The following MID1 variants were observed in gnomAD, a reference collection of about 807,000 sequenced individuals.
MID1 encodes E3 ubiquitin-protein ligase Midline-1.
Under a neutral mutation model 40.4 loss-of-function variants are expected in MID1, and 7 were observed. The ratio of observed to expected loss-of-function variants is 0.17; its 90% confidence interval spans 0.10 to 0.33. The LOEUF (loss-of-function observed/expected upper bound fraction) is 0.33. Ranked by LOEUF, MID1 falls within the 10% of genes least tolerant of loss-of-function variation. MID1 has a pLI of 1.00. For missense variants in MID1, 367 were observed against 558.5 expected (o/e 0.66, Z 3.46); for synonymous variants, 229 against 221.2 (o/e 1.04, Z -0.31).
rs1408477016 is a variant in MID1, at chrX:10,788,115, T to C, written c.-187+45439A>G. On this transcript the variant is annotated intron_variant, in intron 1 of 10. Transcript: ENST00000380785. ...ATGTCAGCTGTCACATTTCCTCAGT[T>C]GAAGGAGATACAGATCAGAGAAACT... Among the ~76,000 whole-genome samples, 15 of 112,152 alleles carry C rather than the reference T, an allele frequency of 1.3e-4. No homozygotes were observed. In the Admixed American group the frequency reaches 1.4e-3, roughly 11 times the overall value.
chrX:10,516,617 C>CAT (rs1932457778), intron 3 of MID1, among the ~76,000 whole-genome samples: 2 of 96,010 alleles, frequency 2.1e-5, no homozygotes, highest in Non-Finnish European at 4.0e-5. Context: ...TGTGCGCGCG[C>CAT]GCACGCGTGT....
At chrX:10,700,581 A>G (rs1436736226) in intron 1 of MID1, among the ~76,000 whole-genome samples, 2 of 112,254 alleles carry the variant, frequency 1.8e-5, no homozygotes, top group African/African-American at 6.5e-5. Flanking sequence ...ACGATAGAAT[A>G]AAAAGAACTT....
intron 1 of MID1, among the ~76,000 whole-genome samples, chrX:10,795,208 C>T (rs2043959971): frequency 8.9e-6 from 1 of 112,267 alleles, no homozygotes; most frequent in Admixed American, 9.4e-5. Context: ...AGAAAAACCA[C>T]CTCAAGGTTG....
intron 1 of MID1, among the ~76,000 whole-genome samples, chrX:10,635,938 CAG>C (rs1936104770): frequency 8.9e-6 from 1 of 112,280 alleles, no homozygotes; most frequent in African/African-American, 3.2e-5. Flanking sequence ...CAATTTAAAT[CAG>C]TGCTTAGTTG....
At chrX:10,675,815 A>G (rs2043019471) in intron 1 of MID1, among the ~76,000 whole-genome samples, 1 of 111,787 alleles carries the variant, frequency 8.9e-6, no homozygotes, top group African/African-American at 3.3e-5. Context: ...GATTCTTTGA[A>G]AATGTTGAAG....
upstream of MID1, among the ~76,000 whole-genome samples, chrX:10,624,314 G>C (rs762700310): frequency 8.9e-6 from 1 of 112,018 alleles, no homozygotes; most frequent in East Asian, 2.8e-4. Flanking sequence ...GTGTAAATGT[G>C]TTGGATGACC....
intron 1 of MID1, among the ~76,000 whole-genome samples, chrX:10,710,701 G>C (rs1301398825): frequency 2.7e-5 from 3 of 111,040 alleles, no homozygotes; most frequent in Non-Finnish European, 3.8e-5. Context: ...AACATTGACT[G>C]ATCACATTCA....
At chrX:10,525,314 T>TA (rs1277430953) in intron 2 of MID1, among the ~76,000 whole-genome samples, 2 of 112,240 alleles carry the variant, frequency 1.8e-5, no homozygotes, top group Non-Finnish European at 3.8e-5. Context: ...TGACTGATTT[T>TA]AAAATTTTTT....
rs1257837592 is a variant in MID1, at chrX:10,560,942, A to G, written c.660+5946T>C. On this transcript the variant is annotated intron_variant, in intron 2 of 9. Transcript: ENST00000317552. ...TCCTAAGCAAATCGAACAAAGCTGGAGGCATCACACTACCTGACTTCAAAC... is the reference window on the plus strand; with the variant it reads ...TCCTAAGCAAATCGAACAAAGCTGGGGGCATCACACTACCTGACTTCAAAC... 3.7e-5 allele frequency among the ~76,000 whole-genome samples: 4 copies of G among 106,923 alleles called. 1 individual carries two copies. Among genetic ancestry groups the G allele is most frequent in the African/African-American group, 1.5e-4 (4 of 26,691 alleles). The allele number at this position is 106,923 out of a possible 115,157, so 92.8% of individuals were successfully genotyped here.
intron 4 of MID1, among the ~76,000 whole-genome samples, chrX:10,484,091 C>G (rs1930489300): frequency 8.9e-6 from 1 of 111,919 alleles, no homozygotes; most frequent in Non-Finnish European, 1.9e-5. Context: ...AATTTAGCCT[C>G]TGGCATCATT....
chrX:10,676,707 G>A (rs1325210464), intron 1 of MID1, among the ~76,000 whole-genome samples: 1 of 111,100 alleles, frequency 9.0e-6, no homozygotes, highest in Non-Finnish European at 1.9e-5. Context: ...AATGACTTCT[G>A]CAGAAGCGCC....
upstream of MID1, among the ~76,000 whole-genome samples, chrX:10,624,925 G>T: frequency 9.0e-6 from 1 of 111,252 alleles, no homozygotes; most frequent in Non-Finnish European, 1.9e-5. Flanking sequence ...CTCCTCCTGT[G>T]GTCAAAATCT....
chrX:10,616,561 C>T (rs901674759), intron 1 of MID1, among the ~76,000 whole-genome samples: 1 of 112,339 alleles, frequency 8.9e-6, no homozygotes, highest in Non-Finnish European at 1.9e-5. Context: ...ACCACACAAA[C>T]GATCAAAGCC....
intron 1 of MID1, among the ~76,000 whole-genome samples, chrX:10,735,075 A>G (rs778875730): frequency 1.8e-5 from 2 of 111,928 alleles, no homozygotes; most frequent in South Asian, 3.8e-4. Flanking sequence ...ATTTTCTACC[A>G]AGAGTCGATT....
intron 1 of MID1, among the ~76,000 whole-genome samples, chrX:10,832,940 G>A (rs1009169557): frequency 3.6e-5 from 4 of 112,051 alleles, no homozygotes; most frequent in African/African-American, 9.7e-5. Flanking sequence ...CACCGTTCTC[G>A]CCATATATAT....
intron 1 of MID1, among the ~76,000 whole-genome samples, chrX:10,693,192 A>C (rs1463106960): frequency 9.6e-6 from 1 of 104,598 alleles, no homozygotes; most frequent in African/African-American, 3.6e-5. Context: ...AGGTGTTTTA[A>C]CTTTTTTTTT....
At chrX:10,786,971 T>TA (rs745501413) in intron 1 of MID1, among the ~76,000 whole-genome samples, 52 of 98,601 alleles carry the variant, frequency 5.3e-4, no homozygotes, top group Middle Eastern at 5.2e-3. Context: ...AAACTTAAAG[T>TA]AAAAAAAAAA....
intron 1 of MID1, among the ~76,000 whole-genome samples, chrX:10,599,000 T>C (rs947372191): frequency 5.4e-5 from 6 of 112,103 alleles, no homozygotes; most frequent in African/African-American, 1.9e-4. Context: ...GGGGGGATCC[T>C]GGCAATGTCT....
At chrX:10,476,209 T>C (rs1302232606) in intron 5 of MID1, among the ~76,000 whole-genome samples, 2 of 111,408 alleles carry the variant, frequency 1.8e-5, no homozygotes, top group Non-Finnish European at 3.8e-5. Context: ...TGCTAGGGGC[T>C]AAGAGGGGAG....
Sources: allele counts gnomAD v4.1 joint callset (sites outside exome capture counted in the v4.1 genomes callset), GRCh38; gene constraint gnomAD v4.1.1; transcripts MANE v1.5; gene names NCBI Gene and HGNC (gene_info 2026-07-23, HGNC 2026-07-21).